The following HYDIN variants were observed in gnomAD, a reference collection of about 807,000 sequenced individuals.
The protein encoded by HYDIN is HYDIN axonemal central pair apparatus protein, also known as axonemal central pair apparatus protein HYDIN.
A neutral mutation model predicts 403.9 loss-of-function variants in HYDIN; 132 were observed. The observed-to-expected ratio is 0.33, with a 90% CI of 0.28 to 0.38. HYDIN has a LOEUF of 0.38. Among genes scored for constraint, HYDIN ranks in the 10% least tolerant of loss-of-function variants. HYDIN has a pLI of 1.00. For synonymous variants in HYDIN, 1,202 were observed against 1,891.7 expected (o/e 0.64, Z 9.46); for missense variants, 2,827 against 5,009.5 (o/e 0.56, Z 13.15).
intron 47 of HYDIN, among the ~76,000 whole-genome samples, chr16:70,912,126 C>T (rs373541625): frequency 1.4e-3 from 200 of 147,080 alleles, no homozygotes; most frequent in East Asian, 4.8e-3. Flanking sequence ...ATTGTTATGG[C>T]GAGGATTTCC....
intron 10 of HYDIN, among the ~76,000 whole-genome samples, chr16:71,104,298 G>A (rs1263796314): frequency 3.3e-5 from 5 of 150,136 alleles, no homozygotes; most frequent in African/African-American, 1.2e-4. Context: ...AACTTCTGAT[G>A]GTATGTCCAA....
rs756233583 is a variant in HYDIN at position 70,882,642 on chromosome 16, C to T, written c.10215+18G>A. ...TATGTGAACCACGCTGGGCCAGGGG[C>T]CATTGGGAGCGTCTTACCTTATTGG... On this transcript the variant is annotated intron_variant, in intron 60 of 85. Transcript: ENST00000393567. The T allele has an allele frequency of 3.3e-6, 5 of 1,536,384 alleles. No homozygotes were observed. Among genetic ancestry groups the T allele is most frequent in the Non-Finnish European group, 3.6e-6 (4 of 1,110,776 alleles).
chr16:70,926,105 T>G (rs1432481222), intron 45 of HYDIN, among the ~76,000 whole-genome samples: 1 of 148,974 alleles, frequency 6.7e-6, no homozygotes, highest in Non-Finnish European at 1.5e-5. Flanking sequence ...GCCATCCCAT[T>G]ACTGGGTATA....
At chr16:71,171,300 C>T (rs1256638091) in intron 5 of HYDIN, among the ~76,000 whole-genome samples, 1 of 152,226 alleles carries the variant, frequency 6.6e-6, no homozygotes. Flanking sequence ...CCTTGACTTT[C>T]CTATCAGAGA....
chr16:71,065,486 G>A (rs1197088323), intron 15 of HYDIN, among the ~76,000 whole-genome samples: 4 of 152,008 alleles, frequency 2.6e-5, no homozygotes, highest in African/African-American at 9.7e-5. Flanking sequence ...TAGGTGACTT[G>A]GATTTTATTT....
At chr16:71,175,804 G>A (rs776353292) in intron 4 of HYDIN, 63 bp from the exon 5 acceptor site, 1 of 1,547,854 alleles carries the variant, frequency 6.5e-7, no homozygotes, top group East Asian at 2.2e-5. Flanking sequence ...AACACAGACT[G>A]AAATCCATCA....
At position 70,955,552 on chromosome 16, in the gene HYDIN, T is replaced by A; in HGVS notation, c.6143-4A>T. 4.4e-6 allele frequency: 6 copies of A among 1,362,164 alleles called. No homozygotes were observed. Among genetic ancestry groups the A allele is most frequent in the Non-Finnish European group, 6.2e-6 (6 of 969,632 alleles). 84.4% of individuals were successfully genotyped at this position (1,362,164 alleles called of 1,614,324 possible). On this transcript the variant is annotated splice_region_variant and splice_polypyrimidine_tract_variant and intron_variant, in intron 39 of 85. Coordinates refer to ENST00000393567, the MANE Select transcript of HYDIN (RefSeq NM_001270974.2). ...CTAACGGCATTGGCTGACTTTCCTA[T>A]TAAAAAGACCAGGGGGTTGAATTTC...
Position 70,943,805 on chromosome 16 carries a change from G to C in HYDIN, c.6669+7C>G, listed in dbSNP as rs376657235. On this transcript the variant is annotated splice_region_variant and intron_variant, in intron 42 of 85. Transcript: ENST00000393567. ...CCTGCAGCTCTGTGCAGGTGGCATG[G>C]ACCCACCTGTATCCGCTCTGCCAGG... is the stretch of plus-strand genomic sequence containing the variant. 5.0e-6 allele frequency: 8 copies of C among 1,610,862 alleles called. No individual in the cohort carries two copies. The African/African-American group carries it at 6.7e-5, about 13-fold the overall frequency.
Position 70,892,570 on chromosome 16 carries a change from C to T in HYDIN, c.9249-41G>A, listed in dbSNP as rs373436284. The T allele has an allele frequency of 4.5e-3, 7,146 of 1,579,352 alleles. 22 individuals are homozygous for T. Among genetic ancestry groups the T allele is most frequent in the Non-Finnish European group, 5.6e-3 (6,463 of 1,162,780 alleles). On this transcript the variant is annotated intron_variant, in intron 55 of 85. Coordinates refer to ENST00000393567, the MANE Select transcript of HYDIN (RefSeq NM_001270974.2). ...AAGAAGTCAGCCTAGGTCATTATCC[C>T]GGGAACTCAAGATCCCAGAGAGGAG...
intron 20 of HYDIN, 182 bp downstream of exon 20, chr16:71,027,420 A>C: frequency 6.8e-7 from 1 of 1,475,948 alleles, no homozygotes; most frequent in Non-Finnish European, 8.9e-7. Context: ...AAACAAATTG[A>C]AGACTGAGCA....
At chr16:70,931,420 T>C (rs1270471851) in intron 45 of HYDIN, among the ~76,000 whole-genome samples, 2 of 151,934 alleles carry the variant, frequency 1.3e-5, no homozygotes, top group East Asian at 3.9e-4. Flanking sequence ...ACTGTGCTTT[T>C]GCTAACGTTA....
In HYDIN at chr16:70,882,979, T is replaced by C; in HGVS notation, c.9980-84A>G. ...ATTCCTAATTTGGAACTCTGGATTC[T>C]CACAAAGGAGAATTGTGGAGGACAC... is the stretch of plus-strand genomic sequence containing the variant. On this transcript the variant is annotated intron_variant, in intron 59 of 85. Transcript: ENST00000393567. 6 of 1,113,872 alleles carry C rather than the reference T, an allele frequency of 5.4e-6. No individual in the cohort carries two copies. In the South Asian group the frequency reaches 6.6e-5, roughly 12 times the overall value. 69.0% of individuals were successfully genotyped at this position (1,113,872 alleles called of 1,614,324 possible).
chr16:71,061,280 G>A (rs1394851548), intron 17 of HYDIN, among the ~76,000 whole-genome samples: 1 of 149,346 alleles, frequency 6.7e-6, no homozygotes, highest in Non-Finnish European at 1.5e-5. Context: ...GGCATGTTTT[G>A]GGGTTGGCCT....
intron 11 of HYDIN, among the ~76,000 whole-genome samples, chr16:71,093,250 A>G (rs2083169834): frequency 6.6e-6 from 1 of 152,222 alleles, no homozygotes; most frequent in Non-Finnish European, 1.5e-5. Context: ...ACACTGAAGT[A>G]AACACTGATC....
intron 35 of HYDIN, among the ~76,000 whole-genome samples, chr16:70,972,888 T>C (rs1473618865): frequency 6.6e-6 from 1 of 152,264 alleles, no homozygotes; most frequent in Admixed American, 6.5e-5. Context: ...AATGGTGTCA[T>C]GTCAGTTCAG....
intron 18 of HYDIN, among the ~76,000 whole-genome samples, chr16:71,057,864 A>G (rs2081952443): frequency 9.1e-6 from 1 of 109,580 alleles, no homozygotes; most frequent in Admixed American, 9.6e-5. Flanking sequence ...ACTGGCCATC[A>G]GAGAAATGCA....
intron 1 of HYDIN, among the ~76,000 whole-genome samples, chr16:71,205,396 G>A (rs968273787): frequency 6.6e-6 from 1 of 152,222 alleles, no homozygotes; most frequent in Non-Finnish European, 1.5e-5. Flanking sequence ...CTCTACAGAC[G>A]CCTGTGCAAG....
At chr16:70,926,864 G>C (rs1192821545) in intron 45 of HYDIN, among the ~76,000 whole-genome samples, 1 of 152,052 alleles carries the variant, frequency 6.6e-6, no homozygotes, top group African/African-American at 2.4e-5. Context: ...CTGAAAGGAA[G>C]TTTGAATAGC....
intron 5 of HYDIN, among the ~76,000 whole-genome samples, chr16:71,174,535 A>G (rs1037901035): frequency 9.9e-5 from 15 of 152,130 alleles, no homozygotes; most frequent in Non-Finnish European, 1.5e-5. Context: ...TCACTCCTTC[A>G]ATCATGCTGG....
Sources: allele counts gnomAD v4.1 joint callset (sites outside exome capture counted in the v4.1 genomes callset), GRCh38; gene constraint gnomAD v4.1.1; transcripts MANE v1.5; gene names NCBI Gene and HGNC (gene_info 2026-07-23, HGNC 2026-07-21).